The following MYRIP variants were observed in gnomAD, a reference collection of about 807,000 sequenced individuals.
MYRIP encodes rab effector MyRIP.
In MYRIP, 49 loss-of-function variants were observed where a neutral mutation model predicts 98.0. That is an observed-to-expected ratio of 0.50 (90% CI 0.40 to 0.63). MYRIP has a LOEUF of 0.63. Among genes scored for constraint, MYRIP ranks in the 30% least tolerant of loss-of-function variants. MYRIP has a pLI of 0.00. For missense variants in MYRIP, 1,004 were observed against 1,058.2 expected, an observed-to-expected ratio of 0.95 and a Z score of 0.71; for synonymous variants, 404 against 409.5, an observed-to-expected ratio of 0.99 and a Z score of 0.16.
chr3:40,003,458 GAAC>G (rs995813456), intron 2 of MYRIP, among the ~76,000 whole-genome samples: 18 of 152,332 alleles, frequency 1.2e-4, no homozygotes, highest in African/African-American at 3.6e-4. Flanking sequence ...CACTGGTTCA[GAAC>G]AACATTAGAG....
rs556885782 is a variant in MYRIP, at chr3:40,042,366, G to A, written c.111-1684G>A. Among the ~76,000 whole-genome samples the A allele has an allele frequency of 8.0e-5, 12 of 150,794 alleles. No homozygotes were observed. In the South Asian group the frequency reaches 2.5e-3, roughly 32 times the overall value. Reference sequence around the variant, plus strand: ...AATTGACTATGTATATAAACTGATGGGGTGGTCTAGGCCTTCTCAAGCAAG... The same window carrying A: ...AATTGACTATGTATATAAACTGATGAGGTGGTCTAGGCCTTCTCAAGCAAG... On this transcript the variant is annotated intron_variant, in intron 2 of 16. Transcript: ENST00000302541.
chr3:39,919,693 G>GGTGTGTGT (rs62719862), intron 2 of MYRIP, among the ~76,000 whole-genome samples: 39 of 143,266 alleles, frequency 2.7e-4, no homozygotes, highest in African/African-American at 8.9e-4. Context: ...GGGTATGTGT[G>GGTGTGTGT]GTGTGTGTGT....
At chr3:40,077,624 C>T (rs1406763718) in intron 3 of MYRIP, among the ~76,000 whole-genome samples, 3 of 152,110 alleles carry the variant, frequency 2.0e-5, no homozygotes, top group Admixed American at 6.6e-5. Flanking sequence ...TGTTTACAAA[C>T]CTTGAGCTAG....
At chr3:39,827,775 T>A (rs1941314184) in intron 1 of MYRIP, among the ~76,000 whole-genome samples, 1 of 152,202 alleles carries the variant, frequency 6.6e-6, no homozygotes, top group African/African-American at 2.4e-5. Context: ...GAGCATCTTG[T>A]CTAGTGGTGA....
chr3:39,826,525 A>G (rs1368833712), intron 1 of MYRIP, among the ~76,000 whole-genome samples: 1 of 152,114 alleles, frequency 6.6e-6, no homozygotes, highest in Non-Finnish European at 1.5e-5. Flanking sequence ...AATGTATTTA[A>G]TATGATGTTT....
At chr3:39,986,640 C>T (rs906065815) in intron 2 of MYRIP, among the ~76,000 whole-genome samples, 3 of 152,184 alleles carry the variant, frequency 2.0e-5, no homozygotes, top group Non-Finnish European at 4.4e-5. Flanking sequence ...GCACCCATAT[C>T]CCATGGCTCT....
chr3:39,819,522 T>C (rs1411520264), intron 1 of MYRIP, among the ~76,000 whole-genome samples: 1 of 151,388 alleles, frequency 6.6e-6, no homozygotes, highest in African/African-American at 2.4e-5. Flanking sequence ...GGGTGTAGAT[T>C]CTACCATTGG....
intron 3 of MYRIP, among the ~76,000 whole-genome samples, chr3:40,133,764 T>A (rs551384315): frequency 6.6e-6 from 1 of 152,212 alleles, no homozygotes; most frequent in South Asian, 2.1e-4. Context: ...TGTTTTGAAT[T>A]TTGTTTGGTC....
At chr3:39,824,708 G>GTT (rs796535868) in intron 1 of MYRIP, among the ~76,000 whole-genome samples, 2 of 144,740 alleles carry the variant, frequency 1.4e-5, no homozygotes, top group African/African-American at 2.5e-5. Flanking sequence ...CCGACTGATC[G>GTT]TTTTTTTTTT....
chr3:39,956,208 A>G (rs1382273878), intron 2 of MYRIP, among the ~76,000 whole-genome samples: 2 of 152,194 alleles, frequency 1.3e-5, no homozygotes, highest in Non-Finnish European at 2.9e-5. Flanking sequence ...TCTCCACCCC[A>G]AATCAACAGA....
intron 3 of MYRIP, among the ~76,000 whole-genome samples, chr3:40,056,367 T>C (rs1383886612): frequency 6.6e-6 from 1 of 152,192 alleles, no homozygotes; most frequent in Non-Finnish European, 1.5e-5. Context: ...TTGCTGATTT[T>C]AGACCTTTGG....
chr3:39,976,523 G>C (rs1945755566), intron 2 of MYRIP, among the ~76,000 whole-genome samples: 1 of 152,174 alleles, frequency 6.6e-6, no homozygotes, highest in Non-Finnish European at 1.5e-5. Context: ...AATACCATTT[G>C]ACCCAGCCAT....
At chr3:40,168,526 T>C (rs1038104688) in intron 7 of MYRIP, among the ~76,000 whole-genome samples, 1 of 152,242 alleles carries the variant, frequency 6.6e-6, no homozygotes, top group African/African-American at 2.4e-5. Flanking sequence ...AGTCCAAAAA[T>C]CTTAAATCAA....
chr3:40,198,016 G>T (rs4676472), intron 10 of MYRIP, among the ~76,000 whole-genome samples: 125,484 of 151,620 alleles, frequency 0.83, 53,084 homozygotes, highest in Middle Eastern at 0.95. Flanking sequence ...ATTGAATACA[G>T]AGATAATGAA....
At chr3:40,199,178 A>G (rs1951483161) in intron 10 of MYRIP, among the ~76,000 whole-genome samples, 1 of 152,180 alleles carries the variant, frequency 6.6e-6, no homozygotes, top group African/African-American at 2.4e-5. Context: ...GAAATCCAAG[A>G]GAAACTCATC....
intron 3 of MYRIP, among the ~76,000 whole-genome samples, chr3:40,144,173 C>T (rs1320378192): frequency 6.6e-6 from 1 of 152,202 alleles, no homozygotes; most frequent in Non-Finnish European, 1.5e-5. Context: ...CAGGGATTGC[C>T]TTCAGGCTTG....
chr3:40,242,554 T>A (rs919255247), intron 12 of MYRIP: 3 of 149,898 alleles, frequency 2.0e-5, no homozygotes, highest in Non-Finnish European at 4.4e-5. Flanking sequence ...TAAATAGCAA[T>A]CAGGTTGATG....
intron 1 of MYRIP, among the ~76,000 whole-genome samples, chr3:39,849,274 GAAA>G (rs1171113802): frequency 6.6e-6 from 1 of 151,966 alleles, no homozygotes; most frequent in African/African-American, 2.4e-5. Context: ...AATAAGGAAA[GAAA>G]AAAAATTTCC....
chr3:39,858,687 A>G (rs907370214), intron 1 of MYRIP, among the ~76,000 whole-genome samples: 7 of 152,170 alleles, frequency 4.6e-5, no homozygotes, highest in African/African-American at 7.2e-5. Flanking sequence ...ATCATTTCAA[A>G]TGTATTTTCT....
Sources: gnomAD v4.1 joint callset for allele counts (sites outside exome capture counted in the v4.1 genomes callset) on GRCh38, gnomAD v4.1.1 for gene constraint, MANE v1.5 for transcripts, NCBI Gene and HGNC (gene_info 2026-07-23, HGNC 2026-07-21) for gene names.